Variants in RCC1L observed in about 807,000 individuals in gnomAD.
RCC1L encodes the protein RCC1-like G exchanging factor-like protein.
A neutral mutation model predicts 58.6 loss-of-function variants in RCC1L; 46 were observed. The ratio of observed to expected loss-of-function variants is 0.79; its 90% CI spans 0.62 to 1.00. The LOEUF is 1.00. Among genes scored for constraint, RCC1L ranks in the 50% least tolerant of loss-of-function variants. The pLI, the probability that RCC1L is intolerant of heterozygous loss-of-function variation, is 0.00. For missense variants in RCC1L, 636 were observed against 623.6 expected, an observed-to-expected ratio of 1.02 and a Z score of -0.21; for synonymous variants, 281 against 262.9, an observed-to-expected ratio of 1.07 and a Z score of -0.67.
At chr7:75,065,189 T>TAA in intron 3 of RCC1L, among the ~76,000 whole-genome samples, 1 of 137,702 alleles carries the variant, frequency 7.3e-6, no homozygotes, top group South Asian at 2.3e-4. Context: ...ACTTTTTAAT[T>TAA]AAAAAAAAAA....
At chr7:75,033,215 G>A (rs1173374596) in intron 10 of RCC1L, among the ~76,000 whole-genome samples, 2 of 152,008 alleles carry the variant, frequency 1.3e-5, no homozygotes, top group Admixed American at 6.6e-5. Flanking sequence ...GGTCCTTCCC[G>A]GAGCATTACA....
At chr7:75,030,271 G>A (rs1170265137) in intron 10 of RCC1L, among the ~76,000 whole-genome samples, 2 of 152,244 alleles carry the variant, frequency 1.3e-5, no homozygotes, top group African/African-American at 2.4e-5. Flanking sequence ...GTGTGTGCGT[G>A]CACGTGTGCA....
chr7:75,028,018 TC>T, exon 11 of RCC1L: 1 of 1,534,410 alleles, frequency 6.5e-7, no homozygotes, highest in Non-Finnish European at 8.7e-7. Flanking sequence ...TTGCCGTCCA[TC>T]CCCCGGAGGT....
intron 3 of RCC1L, among the ~76,000 whole-genome samples, chr7:75,066,441 G>A (rs781890427): frequency 7.2e-5 from 11 of 152,110 alleles, no homozygotes; most frequent in Admixed American, 1.3e-4. Context: ...GCGACAGAGC[G>A]AGACTTCATC....
chr7:75,033,004 G>A (rs1235775802), intron 10 of RCC1L, among the ~76,000 whole-genome samples: 4 of 150,338 alleles, frequency 2.7e-5, no homozygotes, highest in South Asian at 2.1e-4. Context: ...TCCGGGAGGT[G>A]GAGGTTGCAG....
chr7:75,071,388 T>G (rs1265157988), intron 1 of RCC1L, among the ~76,000 whole-genome samples: 2 of 152,108 alleles, frequency 1.3e-5, no homozygotes, highest in African/African-American at 4.8e-5. Flanking sequence ...CTCACACCTG[T>G]AATCCCAGCA....
chr7:75,064,386 C>T (rs1584501875), intron 4 of RCC1L, among the ~76,000 whole-genome samples, 196 bp downstream of exon 4: 2 of 152,070 alleles, frequency 1.3e-5, no homozygotes. Context: ...AATGCTCATG[C>T]CCCCTCTTCT....
chr7:75,051,347 CACACACACATATATAT>C lies in RCC1L; in HGVS notation c.1317+1348_1317+1363del, dbSNP rs1170889506. ...ATACACACACACACACATATATATA[CACACACACATATATAT>C]ACACACATATATATATACACACATA... is the stretch of plus-strand genomic sequence containing the variant. On this transcript the variant is annotated intron_variant, in intron 10 of 10. Transcript: ENST00000610322. Among the ~76,000 whole-genome samples the C allele has an allele frequency of 7.1e-3, 1,022 of 143,648 alleles. 7 individuals carry two copies. The highest frequency in any genetic ancestry group is 0.018 in the African/African-American group (646 of 36,636). The allele number at this position is 143,648 out of a possible 152,430, so 94.2% of individuals were successfully genotyped here. A position where few individuals can be genotyped will look rare whatever the true frequency, so the allele number is the denominator to read the frequency against.
intron 3 of RCC1L, among the ~76,000 whole-genome samples, chr7:75,065,478 C>A (rs928364996): frequency 6.6e-6 from 1 of 151,954 alleles, no homozygotes; most frequent in Non-Finnish European, 1.5e-5. Flanking sequence ...TCACCTGAAC[C>A]CAGGAGGTAG....
Position 75,057,487 on chromosome 7 carries a change from T to G in RCC1L, c.1057+42A>C. 6.3e-6 allele frequency: 10 copies of G among 1,599,370 alleles called. No individual in the cohort carries two copies. The South Asian group carries it at 9.9e-5, about 16-fold the overall frequency. Reference sequence around the variant, plus strand: ...GACACTGACCACTCCCTATGTAATCTACCTACAGCTTCCCAATGAGCCACC... The same window carrying G: ...GACACTGACCACTCCCTATGTAATCGACCTACAGCTTCCCAATGAGCCACC... On this transcript the variant is annotated intron_variant, in intron 8 of 10. Coordinates refer to ENST00000610322, the MANE Select transcript of RCC1L (RefSeq NM_030798.5).
At position 75,073,406 on chromosome 7, in the gene RCC1L, G is replaced by T. The variant is rs1165719763; in HGVS notation, c.324+8C>A. The T allele has an allele frequency of 5.1e-6, 6 of 1,176,568 alleles. No homozygotes were observed. In the East Asian group the frequency reaches 9.5e-5, roughly 19 times the overall value. 72.9% of individuals were successfully genotyped at this position (1,176,568 alleles called of 1,614,324 possible). A position where few individuals can be genotyped will look rare whatever the true frequency, so the allele number is the denominator to read the frequency against. ...AGAAGGAGAGAAGGAGGAAGCCGCG[G>T]CCTGCACCTTTTGGTCCAGCTCCAG... On this transcript the variant is annotated splice_region_variant and intron_variant, in intron 1 of 10. Coordinates refer to ENST00000610322, the MANE Select transcript of RCC1L (RefSeq NM_030798.5).
Position 75,063,213 on chromosome 7 carries a change from G to A in RCC1L, c.702+79C>T, listed in dbSNP as rs1380352185. On this transcript the variant is annotated intron_variant, in intron 5 of 10. Coordinates refer to ENST00000610322, the MANE Select transcript of RCC1L (RefSeq NM_030798.5). The stretch of plus-strand genomic sequence containing the variant: ...TTCAGAAAATCCCCCTAACAAATTT[G>A]CCATCACCCTACCCAAATCTCAACT... 6.2e-6 allele frequency: 9 copies of A among 1,458,176 alleles called. No individual in the cohort carries two copies. In the East Asian group the frequency reaches 1.8e-4, roughly 29 times the overall value. 90.3% of individuals were successfully genotyped at this position (1,458,176 alleles called of 1,614,324 possible). A position where few individuals can be genotyped will look rare whatever the true frequency, so the allele number is the denominator to read the frequency against.
At position 75,042,376 on chromosome 7, in the gene RCC1L, A is replaced by G. The variant is rs1805591322; in HGVS notation, c.*656T>C. 2 of 985,772 alleles carry G rather than the reference A, an allele frequency of 2.0e-6. No individual in the cohort carries two copies. Among genetic ancestry groups the G allele is most frequent in the African/African-American group, 3.5e-5 (2 of 57,352 alleles). 61.1% of individuals were successfully genotyped at this position (985,772 alleles called of 1,614,324 possible). A position where few individuals can be genotyped will look rare whatever the true frequency, so the allele number is the denominator to read the frequency against. On this transcript the variant is annotated 3_prime_UTR_variant, in exon 11 of 11. Coordinates refer to ENST00000610322, the MANE Select transcript of RCC1L (RefSeq NM_030798.5). ...CTCGGCGCAGAGGAACTTGGCCTCGATTCTCTTCCTGAGGGGCTTCTTAAC... is the reference window on the plus strand; with the variant it reads ...CTCGGCGCAGAGGAACTTGGCCTCGGTTCTCTTCCTGAGGGGCTTCTTAAC...
At chr7:75,065,233 T>C (rs587708701) in intron 3 of RCC1L, among the ~76,000 whole-genome samples, 9 of 152,082 alleles carry the variant, frequency 5.9e-5, no homozygotes, top group Non-Finnish European at 1.3e-4. Context: ...CACCTCCGCC[T>C]TCTCCTACAG....
chr7:75,054,422 G>A (rs1584495310), intron 9 of RCC1L, among the ~76,000 whole-genome samples: 3 of 152,224 alleles, frequency 2.0e-5, no homozygotes, highest in African/African-American at 7.2e-5. Flanking sequence ...ATTTCATTTC[G>A]CTGTGACCTG....
chr7:75,051,959 T>C (rs1805927378), intron 10 of RCC1L, among the ~76,000 whole-genome samples: 1 of 152,140 alleles, frequency 6.6e-6, no homozygotes, highest in South Asian at 2.1e-4. Context: ...AGTGCATTTT[T>C]TTGTACCATG....
chr7:75,062,833 G>A (rs1806319084), intron 5 of RCC1L, among the ~76,000 whole-genome samples: 1 of 151,748 alleles, frequency 6.6e-6, no homozygotes. Context: ...GTCTTGCTCT[G>A]TCATCCAGGC....
intron 10 of RCC1L, among the ~76,000 whole-genome samples, chr7:75,045,870 G>A (rs918177868): frequency 5.9e-5 from 9 of 152,200 alleles, no homozygotes; most frequent in Non-Finnish European, 8.8e-5. Context: ...TGGCTTGGCC[G>A]GAAGACCCCT....
chr7:75,042,544 A>G lies in RCC1L; in HGVS notation c.*488T>C, dbSNP rs1584488393. On this transcript the variant is annotated 3_prime_UTR_variant, in exon 11 of 11. Transcript: ENST00000610322. ...CAGGCGGCCAGGAAGGGCCATGAGC[A>G]GGGTGGCCTGAATGAAAACCGAGGG... 1 of 996,088 alleles carries G rather than the reference A, an allele frequency of 1.0e-6. No individual in the cohort carries two copies. The highest frequency in any genetic ancestry group is 1.1e-4 in the East Asian group (1 of 9,078). 61.7% of individuals were successfully genotyped at this position (996,088 alleles called of 1,614,324 possible).
Sources: gnomAD v4.1 joint callset for allele counts (sites outside exome capture counted in the v4.1 genomes callset) on GRCh38, gnomAD v4.1.1 for gene constraint, MANE v1.5 for transcripts, NCBI Gene and HGNC (gene_info 2026-07-23, HGNC 2026-07-21) for gene names.